Variants in PRSS41 observed in about 807,000 individuals in gnomAD.
PRSS41 encodes the protein protease, serine 41.
Under a neutral mutation model 28.8 loss-of-function variants are expected in PRSS41, and 37 were observed. The ratio of observed to expected loss-of-function variants is 1.29; its 90% CI spans 0.99 to 1.69. The LOEUF is 1.69. PRSS41 is among the 40% of genes most tolerant of loss of function. The pLI is 0.00. For synonymous variants in PRSS41, 195 were observed against 163.1 expected, an observed-to-expected ratio of 1.20 and a Z score of -1.49; for missense variants, 431 against 400.7, an observed-to-expected ratio of 1.08 and a Z score of -0.65.
At chr16:2,799,692 C>T (rs1297739153) in intron 4 of PRSS41, 123 bp downstream of exon 4, 3 of 992,028 alleles carry the variant, frequency 3.0e-6, no homozygotes, top group Non-Finnish European at 4.4e-6. Context: ...ACCTGCGCCC[C>T]TCCTGCTCTC....
At chr16:2,804,955 G>T in exon 6 of PRSS41, 1 of 1,589,676 alleles carries the variant, frequency 6.3e-7, no homozygotes, top group East Asian at 2.3e-5. Context: ...AGGATGGACT[G>T]TGGTATCAGG....
chr16:2,805,105 G>A, exon 6 of PRSS41: 2 of 1,551,642 alleles, frequency 1.3e-6, no homozygotes, highest in East Asian at 2.4e-5. Flanking sequence ...AGCTGTTGCT[G>A]CTCCTTGCCC....
At chr16:2,799,407 G>C in exon 4 of PRSS41, 1 of 1,552,142 alleles carries the variant, frequency 6.4e-7, no homozygotes, top group Non-Finnish European at 8.7e-7. Flanking sequence ...GAACCCTGAC[G>C]CACTTGGGGT....
chr16:2,798,652 G>A (rs1040836850), exon 2 of PRSS41: 33 of 1,485,874 alleles, frequency 2.2e-5, no homozygotes, highest in Middle Eastern at 1.8e-4. Flanking sequence ...AGGAGGAGGA[G>A]CTGTTGTCAG....
chr16:2,804,351 G>A, intron 4 of PRSS41, 38 bp from the exon 5 acceptor site: 1 of 1,547,660 alleles, frequency 6.5e-7, no homozygotes, highest in Non-Finnish European at 8.7e-7. Context: ...TAGCAGAGGA[G>A]AGGTGAAGGG....
intron 2 of PRSS41, 95 bp from the exon 3 acceptor site, chr16:2,798,864 C>T (rs2068965564): frequency 7.3e-7 from 1 of 1,369,226 alleles, no homozygotes; most frequent in African/African-American, 1.5e-5. Context: ...CCGGGGAGCC[C>T]CCCGCTGCGC....
At chr16:2,804,238 C>T (rs1368491261) in intron 4 of PRSS41, 151 bp from the exon 5 acceptor site, 9 of 715,784 alleles carry the variant, frequency 1.3e-5, no homozygotes, top group Non-Finnish European at 2.0e-5. Context: ...TTTTGATGCA[C>T]TGGGTGCTGG....
chr16:2,802,126 G>T (rs868431101), intron 4 of PRSS41, among the ~76,000 whole-genome samples: 1 of 150,654 alleles, frequency 6.6e-6, no homozygotes, highest in Non-Finnish European at 1.5e-5. Flanking sequence ...CTTCTCAGAC[G>T]GAGTGGTTGC....
In PRSS41 at chr16:2,798,763, T is replaced by C. The variant is rs1272758640; in HGVS notation, c.91+101T>C. ...GTTCCAGGTCCCGAGAACGTGATGC[T>C]CTCAAGTAACTAATGGGTCCTAGGG... On this transcript the variant is annotated intron_variant, in intron 2 of 5. Transcript: ENST00000399677. The C allele has an allele frequency of 4.0e-6, 5 of 1,261,234 alleles. No homozygotes were observed. The African/African-American group carries it at 8.0e-5, about 20-fold the overall frequency. 78.1% of individuals were successfully genotyped at this position (1,261,234 alleles called of 1,614,324 possible).
chr16:2,805,202 C>T (rs2069014185), exon 6 of PRSS41: 1 of 1,279,920 alleles, frequency 7.8e-7, no homozygotes, highest in Admixed American at 2.0e-5. Context: ...TGGCTCACCT[C>T]CTCTGGGCTG....
chr16:2,800,810 G>C (rs1299311086), intron 4 of PRSS41, among the ~76,000 whole-genome samples: 1 of 152,174 alleles, frequency 6.6e-6, no homozygotes, highest in African/African-American at 2.4e-5. Context: ...AAAAATTATA[G>C]CTATTTTAAC....
exon 3 of PRSS41, chr16:2,799,015 C>A: frequency 6.5e-7 from 1 of 1,532,528 alleles, no homozygotes; most frequent in South Asian, 1.2e-5. Context: ...GGAGTCCGCG[C>A]GCGGGCGCTG....
exon 4 of PRSS41, chr16:2,799,406 C>T (rs118024870): frequency 0.012 from 17,916 of 1,552,126 alleles, 129 homozygotes; most frequent in Non-Finnish European, 0.014. Flanking sequence ...TGAACCCTGA[C>T]GCACTTGGGG....
At position 2,799,622 on chromosome 16, in the gene PRSS41, C is replaced by T. The variant is rs914530965; in HGVS notation, c.541+53C>T. 1.8e-5 allele frequency: 27 copies of T among 1,512,740 alleles called. No homozygotes were observed. The Middle Eastern group carries it at 6.8e-4, about 38-fold the overall frequency. 93.7% of individuals were successfully genotyped at this position (1,512,740 alleles called of 1,614,324 possible). A position where few individuals can be genotyped will look rare whatever the true frequency, so the allele number is the denominator to read the frequency against. On this transcript the variant is annotated intron_variant, in intron 4 of 5. Transcript: ENST00000399677. Reference sequence around the variant, plus strand: ...TGATGGGGGTGCGGGGTGAGCATTACCCTCTACCCCTGTTCCCGCTACACA... The same window carrying T: ...TGATGGGGGTGCGGGGTGAGCATTATCCTCTACCCCTGTTCCCGCTACACA...
chr16:2,799,012 G>A (rs2068967091), exon 3 of PRSS41: 2 of 1,531,610 alleles, frequency 1.3e-6, no homozygotes, highest in Non-Finnish European at 8.7e-7. Context: ...AGTGGAGTCC[G>A]CGCGCGGGCG....
At chr16:2,802,854 G>C (rs930278395) in intron 4 of PRSS41, among the ~76,000 whole-genome samples, 3 of 149,418 alleles carry the variant, frequency 2.0e-5, no homozygotes, top group African/African-American at 5.0e-5. Context: ...ATGAGAGGGA[G>C]ACCGTGGGGA....
intron 5 of PRSS41, 59 bp downstream of exon 5, chr16:2,804,605 G>T (rs2069009011): frequency 2.0e-6 from 3 of 1,504,804 alleles, no homozygotes; most frequent in Non-Finnish European, 2.7e-6. Flanking sequence ...CCTGAGAGCA[G>T]CTACCATTTC....
exon 4 of PRSS41, chr16:2,799,470 G>C: frequency 6.4e-7 from 1 of 1,552,200 alleles, no homozygotes; most frequent in Non-Finnish European, 8.7e-7. Context: ...CACCTACAAT[G>C]CGTACATCCA....
intron 2 of PRSS41, 49 bp downstream of exon 2, chr16:2,798,711 T>G: frequency 7.1e-7 from 1 of 1,404,030 alleles, no homozygotes. Context: ...TGGGCCGGGG[T>G]GCACGGGGGC....
Sources: allele counts gnomAD v4.1 joint callset (sites outside exome capture counted in the v4.1 genomes callset), GRCh38; gene constraint gnomAD v4.1.1; transcripts MANE v1.5; gene names NCBI Gene and HGNC (gene_info 2026-07-23, HGNC 2026-07-21).